KCNIP4: variants seen among roughly 807,000 people sequenced by gnomAD.
The protein encoded by KCNIP4 is potassium voltage-gated channel interacting protein 4.
In KCNIP4, 12 loss-of-function variants were observed where a neutral mutation model predicts 34.0. That is an observed-to-expected ratio of 0.35 (90% CI 0.23 to 0.57). The LOEUF is 0.57. Among genes scored for constraint, KCNIP4 ranks in the 20% least tolerant of loss-of-function variants. The pLI, the probability that KCNIP4 is intolerant of heterozygous loss-of-function variation, is 0.83. For synonymous variants in KCNIP4, 124 were observed against 102.2 expected, an observed-to-expected ratio of 1.21 and a Z score of -1.29; for missense variants, 238 against 311.7, an observed-to-expected ratio of 0.76 and a Z score of 1.78.
At chr4:21,125,781 A>C (rs1213507037) in intron 1 of KCNIP4, among the ~76,000 whole-genome samples, 1 of 152,102 alleles carries the variant, frequency 6.6e-6, no homozygotes, top group Non-Finnish European at 1.5e-5. Context: ...CTAACCTCTT[A>C]TGATTAAGGG....
At chr4:21,404,282 A>G (rs1255980423) in intron 1 of KCNIP4, among the ~76,000 whole-genome samples, 1 of 152,174 alleles carries the variant, frequency 6.6e-6, no homozygotes, top group Non-Finnish European at 1.5e-5. Context: ...TCACTTGTTT[A>G]TTATTTTTTT....
intron 1 of KCNIP4, among the ~76,000 whole-genome samples, chr4:20,996,850 C>A (rs1310427287): frequency 6.6e-6 from 1 of 152,052 alleles, no homozygotes; most frequent in African/African-American, 2.4e-5. Context: ...CCTTTACCGA[C>A]CTCATTCATC....
In KCNIP4 at chr4:21,211,513, G is replaced by A. The variant is rs562810458; in HGVS notation, c.62-328804C>T. ...CTCCTTATGAGAATGCCTGATGATT[G>A]ATGATCTCTGAAGTGGAACAGTTTC... On this transcript the variant is annotated intron_variant, in intron 1 of 8. Transcript: ENST00000382152. Among the ~76,000 whole-genome samples the A allele has an allele frequency of 5.9e-5, 9 of 152,198 alleles. No individual in the cohort carries two copies. The East Asian group carries it at 1.7e-3, about 29-fold the overall frequency.
intron 1 of KCNIP4, among the ~76,000 whole-genome samples, chr4:21,701,477 C>G (rs999725506): frequency 6.6e-6 from 1 of 152,050 alleles, no homozygotes; most frequent in Admixed American, 6.6e-5. Flanking sequence ...AATCTTTCTG[C>G]AATAACCATA....
chr4:21,563,596 T>C (rs1389566353), intron 1 of KCNIP4, among the ~76,000 whole-genome samples: 4 of 152,128 alleles, frequency 2.6e-5, no homozygotes, highest in Admixed American at 2.0e-4. Context: ...TTTAATGAGC[T>C]ACTACTCAAT....
chr4:21,410,905 C>T (rs534858667), intron 1 of KCNIP4, among the ~76,000 whole-genome samples: 1 of 152,104 alleles, frequency 6.6e-6, no homozygotes, highest in East Asian at 1.9e-4. Context: ...AATGGTCTGG[C>T]AACATTGACA....
intron 1 of KCNIP4, among the ~76,000 whole-genome samples, chr4:21,382,831 T>G (rs1244824942): frequency 6.6e-6 from 1 of 152,130 alleles, no homozygotes; most frequent in East Asian, 1.9e-4. Flanking sequence ...AAGATAAAAT[T>G]TATTAGCACA....
At chr4:21,007,321 C>A (rs909771551) in intron 1 of KCNIP4, among the ~76,000 whole-genome samples, 7 of 152,080 alleles carry the variant, frequency 4.6e-5, no homozygotes, top group African/African-American at 1.7e-4. Context: ...CAAGAAAAGA[C>A]AAGGAACTGA....
In KCNIP4 at chr4:21,517,745, C is replaced by A. The variant is rs188625322; in HGVS notation, c.61+430826G>T. Among the ~76,000 whole-genome samples the A allele has an allele frequency of 2.3e-3, 349 of 152,222 alleles. 3 individuals carry two copies. The highest frequency in any genetic ancestry group is 8.1e-3 in the African/African-American group (337 of 41,524). On this transcript the variant is annotated intron_variant, in intron 1 of 8. Coordinates refer to ENST00000382152, the MANE Select transcript of KCNIP4 (RefSeq NM_025221.6). ...GTACTTGTTGAAGAACTGCTGTGCA[C>A]ATAAATTCAAATCTCCCTTAACAAA...
intron 5 of KCNIP4, among the ~76,000 whole-genome samples, chr4:20,743,427 G>A (rs1490259845): frequency 6.6e-6 from 1 of 152,108 alleles, no homozygotes; most frequent in Non-Finnish European, 1.5e-5. Context: ...CAGAGATATA[G>A]ACCAATGGAA....
At chr4:20,962,392 C>T (rs1203777278) in intron 1 of KCNIP4, among the ~76,000 whole-genome samples, 1 of 152,216 alleles carries the variant, frequency 6.6e-6, no homozygotes, top group Non-Finnish European at 1.5e-5. Flanking sequence ...CAAAGCCTCC[C>T]ACCTGGCTTC....
intron 1 of KCNIP4, among the ~76,000 whole-genome samples, chr4:21,641,148 T>C (rs1746586178): frequency 6.6e-6 from 1 of 152,236 alleles, no homozygotes; most frequent in African/African-American, 2.4e-5. Context: ...GTGGTATATA[T>C]GTGATCAGGC....
intron 1 of KCNIP4, among the ~76,000 whole-genome samples, chr4:21,829,820 T>C (rs968384856): frequency 1.3e-5 from 2 of 151,954 alleles, no homozygotes; most frequent in Non-Finnish European, 2.9e-5. Flanking sequence ...GTAGTTTTTA[T>C]CTATCAATAA....
At chr4:21,475,485 TA>T (rs1730876644) in intron 1 of KCNIP4, among the ~76,000 whole-genome samples, 1 of 152,180 alleles carries the variant, frequency 6.6e-6, no homozygotes, top group Non-Finnish European at 1.5e-5. Flanking sequence ...CTTTTCCAAA[TA>T]AAAGCAAGTT....
chr4:21,077,077 G>A (rs1182712242), intron 1 of KCNIP4, among the ~76,000 whole-genome samples: 3 of 151,950 alleles, frequency 2.0e-5, no homozygotes, highest in Non-Finnish European at 4.4e-5. Flanking sequence ...GTGACAGTGA[G>A]CTGAAATTGT....
At chr4:21,358,994 G>A (rs1376681106) in intron 1 of KCNIP4, among the ~76,000 whole-genome samples, 2 of 151,864 alleles carry the variant, frequency 1.3e-5, no homozygotes, top group East Asian at 3.9e-4. Context: ...GCTGTGCTTC[G>A]ACCACCTTGG....
intron 1 of KCNIP4, among the ~76,000 whole-genome samples, chr4:21,279,792 T>C (rs1404956365): frequency 1.3e-5 from 2 of 152,082 alleles, no homozygotes; most frequent in African/African-American, 4.8e-5. Context: ...TGGCTTCCTC[T>C]TCTGTAAAAT....
chr4:21,595,754 CTG>C (rs1742597644), intron 1 of KCNIP4, among the ~76,000 whole-genome samples: 1 of 152,082 alleles, frequency 6.6e-6, no homozygotes, highest in Non-Finnish European at 1.5e-5. Flanking sequence ...CTCATCATCA[CTG>C]GTCATTAGAG....
chr4:21,822,083 C>T (rs1444858769), intron 1 of KCNIP4, among the ~76,000 whole-genome samples: 1 of 152,102 alleles, frequency 6.6e-6, no homozygotes, highest in East Asian at 1.9e-4. Flanking sequence ...TAATCATTGC[C>T]TCTGCACCAG....
Sources: gnomAD v4.1 joint callset for allele counts (sites outside exome capture counted in the v4.1 genomes callset) on GRCh38, gnomAD v4.1.1 for gene constraint, MANE v1.5 for transcripts, NCBI Gene and HGNC (gene_info 2026-07-23, HGNC 2026-07-21) for gene names.